Variants in TMEM37 observed in about 807,000 individuals in gnomAD.
The protein encoded by TMEM37 is voltage-dependent calcium channel gamma-like subunit.
A neutral mutation model predicts 11.0 loss-of-function variants in TMEM37; 12 were observed. The observed-to-expected ratio is 1.09, with a 90% CI of 0.70 to 1.76. TMEM37 has a LOEUF of 1.76. TMEM37 is among the 40% of genes most tolerant of loss of function. TMEM37 has a pLI of 0.00. For missense variants in TMEM37, 203 were observed against 251.2 expected (o/e 0.81, Z 1.30); for synonymous variants, 127 against 110.5 (o/e 1.15, Z -0.94).
intron 1 of TMEM37, among the ~76,000 whole-genome samples, chr2:119,434,310 T>C (rs1682459003): frequency 6.6e-6 from 1 of 152,152 alleles, no homozygotes; most frequent in Admixed American, 6.5e-5. Context: ...GGCTACGACT[T>C]TCCTGCAAGT....
At chr2:119,436,346 A>G (rs1324726747) in intron 1 of TMEM37, among the ~76,000 whole-genome samples, 1 of 152,182 alleles carries the variant, frequency 6.6e-6, no homozygotes, top group Non-Finnish European at 1.5e-5. Context: ...GCAATAATCT[A>G]GAGTCCTGGG....
rs1165510455 is a variant in TMEM37, at chr2:119,438,100, C to G, written c.*660C>G. ...TTTAAACCTTACAAACCCTGGATAA[C>G]CCCATCTTCTAGCAGCTGGCTGTGC... On this transcript the variant is annotated 3_prime_UTR_variant, in exon 2 of 2. Coordinates refer to ENST00000306406, the MANE Select transcript of TMEM37 (RefSeq NM_183240.3). 1.7e-5 allele frequency: 2 copies of G among 114,314 alleles called. No homozygotes were observed. The highest frequency in any genetic ancestry group is 7.0e-5 in the African/African-American group (2 of 28,666). 7.1% of individuals were successfully genotyped at this position (114,314 alleles called of 1,614,324 possible). A position where few individuals can be genotyped will look rare whatever the true frequency, so the allele number is the denominator to read the frequency against.
upstream of TMEM37, chr2:119,430,403 G>A (rs1409372236): frequency 2.1e-5 from 10 of 476,360 alleles, no homozygotes; most frequent in Non-Finnish European, 4.3e-5. Context: ...AGGCCTGCTG[G>A]GTAAGTGGAG....
chr2:119,433,012 G>A (rs989123388), intron 1 of TMEM37, among the ~76,000 whole-genome samples: 17 of 152,218 alleles, frequency 1.1e-4, no homozygotes, highest in Non-Finnish European at 2.2e-4. Flanking sequence ...TTTGTTCTGG[G>A]GGATGTCTGG....
chr2:119,432,808 G>A (rs886479302), intron 1 of TMEM37, among the ~76,000 whole-genome samples: 6 of 152,268 alleles, frequency 3.9e-5, no homozygotes, highest in Middle Eastern at 3.4e-3. Flanking sequence ...CAGAAGTAAG[G>A]TGCCCTCCGT....
chr2:119,432,787 T>TA (rs1286903620), intron 1 of TMEM37, among the ~76,000 whole-genome samples: 1 of 152,094 alleles, frequency 6.6e-6, no homozygotes, highest in Non-Finnish European at 1.5e-5. Flanking sequence ...ATAGATGAGG[T>TA]AACCGAGACT....
upstream of TMEM37, among the ~76,000 whole-genome samples, chr2:119,431,505 G>C (rs1178180493): frequency 6.6e-6 from 1 of 152,244 alleles, no homozygotes; most frequent in African/African-American, 2.4e-5. Flanking sequence ...CAGCAAGCTG[G>C]AACAGGAATC....
chr2:119,431,044 C>T (rs768213431), upstream of TMEM37, among the ~76,000 whole-genome samples: 3 of 152,008 alleles, frequency 2.0e-5, no homozygotes, highest in Non-Finnish European at 4.4e-5. Flanking sequence ...GAGGCTGAGG[C>T]AGGAGAATCG....
At chr2:119,432,456 G>T (rs1682421088) in intron 1 of TMEM37, among the ~76,000 whole-genome samples, 1 of 152,060 alleles carries the variant, frequency 6.6e-6, no homozygotes, top group Non-Finnish European at 1.5e-5. Context: ...TTGCTGAGTC[G>T]CGCGGACACC....
chr2:119,430,949 C>T (rs555824057), upstream of TMEM37, among the ~76,000 whole-genome samples: 1 of 152,258 alleles, frequency 6.6e-6, no homozygotes, highest in South Asian at 2.1e-4. Flanking sequence ...CCAGCCTGAC[C>T]AAAATGGTGA....
upstream of TMEM37, chr2:119,430,526 T>C (rs1682373641): frequency 6.7e-6 from 3 of 449,408 alleles, no homozygotes; most frequent in Admixed American, 2.5e-5. Flanking sequence ...TGACAAGGTC[T>C]GTTGGGCAGG....
chr2:119,432,509 AG>A (rs1370075365), intron 1 of TMEM37, among the ~76,000 whole-genome samples: 2 of 152,054 alleles, frequency 1.3e-5, no homozygotes, highest in African/African-American at 4.8e-5. Context: ...GTGTCTCCGA[AG>A]ATTTGGCTTC....
chr2:119,435,367 A>G (rs1229756028), intron 1 of TMEM37, among the ~76,000 whole-genome samples: 1 of 152,208 alleles, frequency 6.6e-6, no homozygotes, highest in Admixed American at 6.5e-5. Flanking sequence ...TGCCCATGGC[A>G]TAGGACACAC....
chr2:119,434,094 T>C (rs1483988391), intron 1 of TMEM37, among the ~76,000 whole-genome samples: 1 of 152,054 alleles, frequency 6.6e-6, no homozygotes, highest in Non-Finnish European at 1.5e-5. Context: ...TGACGTGACA[T>C]CTAAGGGCCT....
intron 1 of TMEM37, among the ~76,000 whole-genome samples, chr2:119,432,637 G>T (rs147262067): frequency 6.6e-6 from 1 of 152,312 alleles, no homozygotes; most frequent in South Asian, 2.1e-4. Flanking sequence ...GCTGCCCAGC[G>T]GGCGAACTTC....
At chr2:119,434,712 C>G (rs1351208372) in intron 1 of TMEM37, among the ~76,000 whole-genome samples, 1 of 152,190 alleles carries the variant, frequency 6.6e-6, no homozygotes, top group Non-Finnish European at 1.5e-5. Context: ...CAGGCTGGTC[C>G]TAGCTCTGGC....
At chr2:119,434,495 C>T (rs1646691948) in intron 1 of TMEM37, among the ~76,000 whole-genome samples, 2 of 151,282 alleles carry the variant, frequency 1.3e-5, no homozygotes, top group Admixed American at 1.3e-4. Flanking sequence ...ATACAGACTC[C>T]TGGACCCCCA....
Position 119,436,923 on chromosome 2 carries a change from G to A in TMEM37, c.56G>A (p.Arg19Gln), listed in dbSNP as rs150522680. The A allele has an allele frequency of 3.6e-4, 575 of 1,614,122 alleles. No homozygotes were observed. The highest frequency in any genetic ancestry group is 2.2e-3 in the African/African-American group (164 of 75,034). The change falls in exon 2 of 2, where the codon CGG becomes CAG. Residue 19 changes from arginine to glutamine, a missense_variant. By Grantham distance (43) the Arg-to-Gln change is conservative. Transcript: ENST00000306406. ...CCTTTGGGCCAAAGGCAGCCCCGCC[G>A]GTCCTTCTTTGAATCCTTCATCCGG... Reference protein sequence around the residue: ...QRPLGQRQPRRSFFESFIRTL... With the variant: ...QRPLGQRQPRQSFFESFIRTL...
In TMEM37 at chr2:119,433,937, C is replaced by A. The variant is rs1196529227; in HGVS notation, c.21+2013C>A. The stretch of plus-strand genomic sequence containing the variant: ...ATTAATAGCTACCATGAGTTGGGAG[C>A]GGCCCGTGTACCATGCATCTTTATA... On this transcript the variant is annotated intron_variant, in intron 1 of 1. Coordinates refer to ENST00000306406, the MANE Select transcript of TMEM37 (RefSeq NM_183240.3). Among the ~76,000 whole-genome samples, 4 of 152,110 alleles carry A rather than the reference C, an allele frequency of 2.6e-5. 1 individual carries two copies. The highest frequency in any genetic ancestry group is 2.6e-4 in the Admixed American group (4 of 15,278).
Sources: gnomAD v4.1 joint callset for allele counts (sites outside exome capture counted in the v4.1 genomes callset) on GRCh38, gnomAD v4.1.1 for gene constraint, MANE v1.5 for transcripts, NCBI Gene and HGNC (gene_info 2026-07-23, HGNC 2026-07-21) for gene names.